ALDH1L1: variants seen among roughly 807,000 people sequenced by gnomAD.
ALDH1L1 encodes the protein aldehyde dehydrogenase 1 family member L1, also known as cytosolic 10-formyltetrahydrofolate dehydrogenase.
ALDH1L1 carries 68 observed loss-of-function variants against 101.1 expected under a neutral mutation model. That is an observed-to-expected ratio of 0.67 (90% CI 0.55 to 0.82). The LOEUF is 0.82. ALDH1L1 is among the 40% of genes least tolerant of loss of function. The pLI is 0.00. For missense variants in ALDH1L1, 1,087 were observed against 1,172.7 expected (o/e 0.93, Z 1.07); for synonymous variants, 486 against 470.8 (o/e 1.03, Z -0.42).
At chr3:126,155,309 C>G (rs1559958673) in intron 5 of ALDH1L1, 93 bp downstream of exon 5, 1 of 1,114,104 alleles carries the variant, frequency 9.0e-7, no homozygotes. Flanking sequence ...CAACCTGCAC[C>G]ATCTGGGCTG....
chr3:126,180,096 C>T (rs1273414418), intron 1 of ALDH1L1: 1 of 152,420 alleles, frequency 6.6e-6, no homozygotes, highest in Non-Finnish European at 1.5e-5. Context: ...CATCGCGTCG[C>T]CTTCGCTGGT....
chr3:126,168,538 A>G (rs1376755860), intron 1 of ALDH1L1, among the ~76,000 whole-genome samples: 4 of 152,284 alleles, frequency 2.6e-5, no homozygotes, highest in African/African-American at 9.6e-5. Flanking sequence ...TAGCAAAACA[A>G]AACAAACAGA....
At chr3:126,115,059 G>C (rs1308615066) in intron 17 of ALDH1L1, 5 of 456,990 alleles carry the variant, frequency 1.1e-5, no homozygotes, top group Non-Finnish European at 1.8e-5. Flanking sequence ...GCCTGGCCAG[G>C]GCAGGCACGC....
intron 3 of ALDH1L1, among the ~76,000 whole-genome samples, chr3:126,157,839 C>T (rs1169581023): frequency 6.6e-6 from 1 of 152,170 alleles, no homozygotes; most frequent in East Asian, 1.9e-4. Context: ...CTCAACAGAC[C>T]AGTCCGACTA....
At chr3:126,127,491 G>A (rs1423450397) in intron 14 of ALDH1L1, among the ~76,000 whole-genome samples, 1 of 152,184 alleles carries the variant, frequency 6.6e-6, no homozygotes, top group Non-Finnish European at 1.5e-5. Flanking sequence ...CATGGACGGT[G>A]AGGGTGGAGT....
At chr3:126,182,203 A>G (rs1323131401), upstream of ALDH1L1, among the ~76,000 whole-genome samples, 1 of 152,036 alleles carries the variant, frequency 6.6e-6, no homozygotes. Context: ...CTAGAGTCCA[A>G]TGGTGCAATC....
chr3:126,161,934 G>GAT (rs34367231), intron 1 of ALDH1L1, among the ~76,000 whole-genome samples: 5,953 of 150,338 alleles, frequency 0.04, 358 homozygotes, highest in African/African-American at 0.13. Flanking sequence ...GGTTTCGCTT[G>GAT]ATATATATAT....
rs920941953 is a variant in ALDH1L1, at chr3:126,110,226, C to T, written c.2182-117G>A. On this transcript the variant is annotated intron_variant, in intron 19 of 22. Transcript: ENST00000393434. ...GGGGAAAGTCCACACTCTGTTCTAGCCTCAGGGCTTTCTGAATTCTGACTC... is the reference window on the plus strand; with the variant it reads ...GGGGAAAGTCCACACTCTGTTCTAGTCTCAGGGCTTTCTGAATTCTGACTC... The T allele has an allele frequency of 6.0e-6, 8 of 1,330,456 alleles. No homozygotes were observed. In the African/African-American group the frequency reaches 1.0e-4, roughly 17 times the overall value. The allele number at this position is 1,330,456 out of a possible 1,614,324, so 82.4% of individuals were successfully genotyped here.
chr3:126,143,670 A>T (rs1357609986), intron 9 of ALDH1L1, among the ~76,000 whole-genome samples: 1 of 152,226 alleles, frequency 6.6e-6, no homozygotes, highest in Non-Finnish European at 1.5e-5. Context: ...AGAAATCTTT[A>T]AATGGGCCAA....
upstream of ALDH1L1, among the ~76,000 whole-genome samples, chr3:126,184,920 A>G (rs931838855): frequency 6.6e-6 from 1 of 152,020 alleles, no homozygotes; most frequent in African/African-American, 2.4e-5. Context: ...GTTTCTCTTT[A>G]TCTCCTAGGA....
At chr3:126,173,486 G>T (rs2081319210) in intron 1 of ALDH1L1, among the ~76,000 whole-genome samples, 1 of 151,984 alleles carries the variant, frequency 6.6e-6, no homozygotes, top group Non-Finnish European at 1.5e-5. Context: ...AAAGAAAATG[G>T]AATCATATAA....
At chr3:126,154,268 G>C (rs953777491) in intron 6 of ALDH1L1, among the ~76,000 whole-genome samples, 2 of 152,198 alleles carry the variant, frequency 1.3e-5, no homozygotes, top group Non-Finnish European at 2.9e-5. Flanking sequence ...CGCAAGCCCA[G>C]TGGTGAGACT....
intron 9 of ALDH1L1, among the ~76,000 whole-genome samples, chr3:126,145,703 G>A (rs971917618): frequency 2.0e-5 from 3 of 152,170 alleles, no homozygotes; most frequent in Non-Finnish European, 4.4e-5. Context: ...GCTGTTCAAC[G>A]GACAGAAAGG....
chr3:126,185,327 A>T (rs549521254), upstream of ALDH1L1, among the ~76,000 whole-genome samples: 1 of 152,372 alleles, frequency 6.6e-6, no homozygotes, highest in Non-Finnish European at 1.5e-5. Flanking sequence ...CTGTAAAGGA[A>T]TAAATGAGCA....
At chr3:126,142,956 A>G (rs1177264154) in intron 9 of ALDH1L1, among the ~76,000 whole-genome samples, 1 of 152,174 alleles carries the variant, frequency 6.6e-6, no homozygotes, top group Admixed American at 6.5e-5. Flanking sequence ...ACATCCCAAA[A>G]ACCCATTATA....
At chr3:126,126,645 C>G (rs1284442046) in intron 14 of ALDH1L1, among the ~76,000 whole-genome samples, 1 of 152,146 alleles carries the variant, frequency 6.6e-6, no homozygotes, top group East Asian at 1.9e-4. Context: ...TCCCAGGGAG[C>G]AGGTGAAGCC....
chr3:126,135,759 G>C, intron 11 of ALDH1L1, 97 bp from the exon 12 acceptor site: 1 of 1,392,248 alleles, frequency 7.2e-7, no homozygotes, highest in Non-Finnish European at 9.4e-7. Context: ...GCCCCAGTGA[G>C]GCGGCCCCTG....
rs954045086 is a variant in ALDH1L1, at chr3:126,180,576, G to A, written c.-124C>T. 4.4e-6 allele frequency: 5 copies of A among 1,146,066 alleles called. No homozygotes were observed. In the African/African-American group the frequency reaches 7.9e-5, roughly 18 times the overall value. The allele number at this position is 1,146,066 out of a possible 1,614,324, so 71.0% of individuals were successfully genotyped here. On this transcript the variant is annotated 5_prime_UTR_variant, in exon 1 of 23. Coordinates refer to ENST00000393434, the MANE Select transcript of ALDH1L1 (RefSeq NM_012190.4). The stretch of plus-strand genomic sequence containing the variant: ...GCAGACCCGTCCTGGGAGCCAGGAG[G>A]TGGGACCTGTCCCCGCCAGTCCGCG...
intron 10 of ALDH1L1, among the ~76,000 whole-genome samples, 164 bp downstream of exon 10, chr3:126,137,649 C>A (rs1001624360): frequency 9.9e-5 from 15 of 152,138 alleles, no homozygotes; most frequent in Admixed American, 2.6e-4. Flanking sequence ...GTACTGACAT[C>A]CCCAGGCTAT....
Sources: allele counts gnomAD v4.1 joint callset (sites outside exome capture counted in the v4.1 genomes callset), GRCh38; gene constraint gnomAD v4.1.1; transcripts MANE v1.5; gene names NCBI Gene and HGNC (gene_info 2026-07-23, HGNC 2026-07-21).